Variants in MCF2L observed in about 807,000 individuals in gnomAD.
The protein encoded by MCF2L is guanine nucleotide exchange factor DBS.
MCF2L carries 97 observed loss-of-function variants against 153.4 expected under a neutral mutation model. The ratio of observed to expected loss-of-function variants is 0.63; its 90% CI spans 0.54 to 0.75. The LOEUF is 0.75. Ranked by LOEUF, MCF2L falls within the 30% of genes least tolerant of loss-of-function variation. The probability of loss-of-function intolerance (pLI) is 0.00; values close to 1 mark genes in which losing one functional copy is unlikely to be tolerated. For missense variants in MCF2L, 1,347 were observed against 1,495.2 expected, an observed-to-expected ratio of 0.90 and a Z score of 1.64; for synonymous variants, 659 against 632.2, an observed-to-expected ratio of 1.04 and a Z score of -0.64.
chr13:112,948,874 T>C (rs2081663195), intron 2 of MCF2L, among the ~76,000 whole-genome samples: 1 of 152,260 alleles, frequency 6.6e-6, no homozygotes, highest in Non-Finnish European at 1.5e-5. Flanking sequence ...GAGACCAGCC[T>C]GACCAATATG....
Position 113,076,079 on chromosome 13 carries a change from G to C in MCF2L, c.1422G>C (p.Glu474Asp), listed in dbSNP as rs1394561763. The change falls in exon 12 of 30, where the codon GAG (glutamate) becomes GAC (aspartate). Residue 474 changes from glutamate (E) to aspartate (D), a missense_variant. Physicochemically the swap from Glu to Asp is conservative, Grantham distance 45. Around this residue, in one of 3 missense-constraint regions of MCF2L, gnomAD observed 820 missense variants for 921.2 expected, o/e 0.89. Transcript: ENST00000535094. ...AALQEIEKFL[E>D]TGAENKIQEL... ...TCCAGGAAATCGAGAAGTTTTTGGAGACCGGTGCGGAAAATAAGATCCAGG... is the reference window on the plus strand; with the variant it reads ...TCCAGGAAATCGAGAAGTTTTTGGACACCGGTGCGGAAAATAAGATCCAGG... The C allele has an allele frequency of 6.2e-7, 1 of 1,613,938 alleles. No individual in the cohort carries two copies. Among genetic ancestry groups the C allele is most frequent in the Non-Finnish European group, 8.5e-7 (1 of 1,180,036 alleles).
intron 2 of MCF2L, among the ~76,000 whole-genome samples, chr13:113,016,561 C>T (rs1315328508): frequency 2.6e-5 from 4 of 152,180 alleles, no homozygotes; most frequent in African/African-American, 4.8e-5. Context: ...AAGCCTCCGT[C>T]GGCTCCTCTC....
chr13:113,023,665 A>C (rs957522163), intron 2 of MCF2L, among the ~76,000 whole-genome samples: 1 of 152,214 alleles, frequency 6.6e-6, no homozygotes, highest in Non-Finnish European at 1.5e-5. Context: ...CCTATTTTAC[A>C]GATTTATTCT....
At chr13:113,030,064 C>T (rs1304330865) in intron 3 of MCF2L, among the ~76,000 whole-genome samples, 1 of 152,226 alleles carries the variant, frequency 6.6e-6, no homozygotes, top group African/African-American at 2.4e-5. Context: ...TCTGACTATA[C>T]TCATCATTTT....
rs774376158 is a variant in MCF2L, at chr13:113,065,046, A to T, written c.717A>T (p.Ser239=). The T allele has an allele frequency of 9.3e-6, 15 of 1,611,068 alleles. No homozygotes were observed. In the African/African-American group the frequency reaches 1.8e-4, roughly 19 times the overall value. The change falls in exon 7 of 30, where the codon TCA becomes TCT. Residue 239 remains serine, a synonymous_variant. Transcript: ENST00000535094. ...ELPNDVQSTS[S]VLCAHTEKKD... ...CCAATGACGTCCAGTCGACAAGCTC[A>T]GTGCTGTGTGCGCACACAGAGAAGA...
At chr13:112,962,188 T>C (rs971775409) in intron 2 of MCF2L, among the ~76,000 whole-genome samples, 1 of 149,280 alleles carries the variant, frequency 6.7e-6, no homozygotes, top group Non-Finnish European at 1.5e-5. Context: ...CACACACGCA[T>C]GCACAAACAT....
At chr13:112,923,472 G>A (rs2081374014) in intron 2 of MCF2L, among the ~76,000 whole-genome samples, 1 of 151,954 alleles carries the variant, frequency 6.6e-6, no homozygotes, top group East Asian at 1.9e-4. Context: ...CACCGTGTTA[G>A]CCAGGATGGT....
chr13:112,985,383 A>G (rs562861602), intron 1 of MCF2L: 5 of 470,868 alleles, frequency 1.1e-5, no homozygotes, highest in African/African-American at 6.0e-5. Context: ...GATCCTCGCC[A>G]TGGGGGACGG....
chr13:113,057,636 T>TGC (rs2030364674), intron 4 of MCF2L, among the ~76,000 whole-genome samples: 4 of 62,862 alleles, frequency 6.4e-5, no homozygotes, highest in Admixed American at 3.0e-4. Flanking sequence ...GTGCTGAGTG[T>TGC]TTGGGTGCTG....
At chr13:113,089,475 A>G in intron 25 of MCF2L, 135 bp from the exon 26 acceptor site, 1 of 675,202 alleles carries the variant, frequency 1.5e-6, no homozygotes, top group Non-Finnish European at 2.7e-6. Context: ...TTAACTTAGA[A>G]ACACGTGCAG....
intron 2 of MCF2L, among the ~76,000 whole-genome samples, chr13:112,903,436 G>A (rs1163884239): frequency 6.6e-6 from 1 of 152,190 alleles, no homozygotes; most frequent in Non-Finnish European, 1.5e-5. Flanking sequence ...GTGTCTTCAG[G>A]TGAGAACTGC....
intron 3 of MCF2L, chr13:113,044,812 C>T: frequency 6.2e-7 from 1 of 1,612,956 alleles, no homozygotes; most frequent in Non-Finnish European, 8.5e-7. Flanking sequence ...TTTCTCCCAG[C>T]ACCGTAGCCA....
At chr13:112,916,633 T>C (rs993463171) in intron 2 of MCF2L, among the ~76,000 whole-genome samples, 1 of 152,176 alleles carries the variant, frequency 6.6e-6, no homozygotes, top group Admixed American at 6.5e-5. Flanking sequence ...CTGTCATGTG[T>C]GCCGAGCATA....
chr13:112,960,434 C>T lies in MCF2L; in HGVS notation c.170-54329C>T, dbSNP rs1230832585. Among the ~76,000 whole-genome samples, 1 of 152,172 alleles carries T rather than the reference C, an allele frequency of 6.6e-6. No homozygotes were observed. Among genetic ancestry groups the T allele is most frequent in the Non-Finnish European group, 1.5e-5 (1 of 68,042 alleles). On this transcript the variant is annotated intron_variant, in intron 2 of 29. Coordinates refer to the MCF2L transcript ENST00000375608. This position sits in a 1 kb window ranked among gnomAD's most constrained non-coding sequence, Gnocchi z 4.2. ...TCCCACACACGACCTTTGGGGGACACATTAAACCCCAGCAGACTGCCTTGT... is the reference window on the plus strand; with the variant it reads ...TCCCACACACGACCTTTGGGGGACATATTAAACCCCAGCAGACTGCCTTGT...
intron 1 of MCF2L, among the ~76,000 whole-genome samples, chr13:112,991,192 G>A (rs1283711738): frequency 2.0e-5 from 3 of 152,164 alleles, no homozygotes; most frequent in Non-Finnish European, 4.4e-5. Context: ...TGCGAAATCC[G>A]GCCGCCTGCC....
intron 1 of MCF2L, among the ~76,000 whole-genome samples, chr13:112,974,815 A>G (rs1195796921): frequency 6.6e-6 from 1 of 152,222 alleles, no homozygotes; most frequent in East Asian, 1.9e-4. Flanking sequence ...TCATGAGTAG[A>G]GAATAATTTT....
In MCF2L at chr13:113,045,378, G is replaced by A. The variant is rs2086747308; in HGVS notation, c.369+17G>A. On this transcript the variant is annotated intron_variant, in intron 4 of 29. Transcript: ENST00000535094. This position sits in a 1 kb window ranked among gnomAD's most constrained non-coding sequence, Gnocchi z 4.2. ...CGCATCGCAGTAAGTGCCACCCGGG[G>A]CTCTGCCCTGCGCCCGGCCCCTCCC... 1.2e-5 allele frequency: 20 copies of A among 1,607,226 alleles called. No individual in the cohort carries two copies. Among genetic ancestry groups the A allele is most frequent in the Non-Finnish European group, 1.7e-5 (20 of 1,174,288 alleles).
intron 1 of MCF2L, among the ~76,000 whole-genome samples, chr13:113,010,591 G>C (rs1484831188): frequency 1.3e-5 from 2 of 152,206 alleles, no homozygotes; most frequent in East Asian, 1.9e-4. Context: ...GCTGGGGATG[G>C]GCAGGGGCAG....
chr13:112,956,875 T>A (rs924595485), intron 2 of MCF2L: 1 of 152,198 alleles, frequency 6.6e-6, no homozygotes, highest in African/African-American at 2.4e-5. Context: ...GTATGACATC[T>A]CTGGATTTCA....
Sources: allele counts gnomAD v4.1 joint callset (sites outside exome capture counted in the v4.1 genomes callset), GRCh38; gene constraint gnomAD v4.1.1; regional missense constraint gnomAD v4.1.1; non-coding constraint Gnocchi (gnomAD v3.1); transcripts MANE v1.5; gene names NCBI Gene and HGNC (gene_info 2026-07-23, HGNC 2026-07-21).